The following ZNF331 variants were observed in gnomAD, a reference collection of about 807,000 sequenced individuals.
ZNF331 encodes C2H2-like zinc finger protein rearranged in thyroid adenomas.
In ZNF331, 2 loss-of-function variants were observed where a neutral mutation model predicts 7.0. The observed-to-expected ratio is 0.29, with a 90% CI of 0.12 to 0.90. The LOEUF is 0.90. Among genes scored for constraint, ZNF331 ranks in the 40% least tolerant of loss-of-function variants. ZNF331 has a pLI of 0.58. For synonymous variants in ZNF331, 196 were observed against 205.4 expected (o/e 0.95, Z 0.39); for missense variants, 432 against 587.7 (o/e 0.74, Z 2.74).
the ZNF331 span, chr19:53,503,879 G>T: frequency 1.5e-6 from 1 of 684,444 alleles, no homozygotes; most frequent in Non-Finnish European, 2.7e-6. Flanking sequence ...AAAAGATCTG[G>T]GATACTGTTC....
chr19:53,571,517 A>C lies in ZNF331; in HGVS notation c.10-87A>C, dbSNP rs1016568948. 36 of 1,554,972 alleles carry C rather than the reference A, an allele frequency of 2.3e-5. No individual in the cohort carries two copies. The highest frequency in any genetic ancestry group is 3.1e-5 in the Non-Finnish European group (36 of 1,146,648). ...GGTGTTCAGTCTGCTCACGGTGTTC[A>C]CCCTACCCAGAGGGTGGCCTCCTGT... On this transcript the variant is annotated intron_variant, in intron 4 of 5. Transcript: ENST00000449416. This position sits in a 1 kb window ranked among gnomAD's most constrained non-coding sequence, Gnocchi z 4.7.
At chr19:53,506,426 C>CTCTCTCTGTCTCTCTCTCTCTCTCTCTG in the ZNF331 span, among the ~76,000 whole-genome samples, 1 of 95,086 alleles carries the variant, frequency 1.1e-5, no homozygotes, top group African/African-American at 4.7e-5. Context: ...CTCTCTCTCT[C>CTCTCTCTGTCTCTCTCTCTCTCTCTCTG]TCTCTCTCTC....
At chr19:53,523,579 A>G (rs927502325) in intron 2 of ZNF331, 12 of 151,854 alleles carry the variant, frequency 7.9e-5, no homozygotes, top group African/African-American at 2.9e-4. Context: ...AGTTTCTTAT[A>G]TATCGTGAAT....
rs1425404208 is a variant in ZNF331 at position 53,558,345 on chromosome 19, G to A, written c.-74+2437G>A. Among the ~76,000 whole-genome samples the A allele has an allele frequency of 6.6e-6, 1 of 152,122 alleles. No individual in the cohort carries two copies. Among genetic ancestry groups the A allele is most frequent in the Non-Finnish European group, 1.5e-5 (1 of 68,020 alleles). On this transcript the variant is annotated intron_variant, in intron 3 of 5. Transcript: ENST00000449416. The surrounding 1 kb of genome is among the most constrained non-coding windows in gnomAD (Gnocchi z 4.5). ...AAGCACAGGAGCTTCTGTTCCCGTG[G>A]AATTGGGGTGCGCCACCTTTTCAGA... is the stretch of plus-strand genomic sequence containing the variant.
rs886907621 is a variant in ZNF331 at position 53,539,153 on chromosome 19, C to T, written c.-204-63C>T. ...TCCCAGAAACTCCATCTCGGGGCCT[C>T]GTATTTCTCATTGGTTTTATTAGGT... On this transcript the variant is annotated intron_variant, in intron 1 of 5. Transcript: ENST00000449416. This position sits in a 1 kb window ranked among gnomAD's most constrained non-coding sequence, Gnocchi z 6.1. 9.9e-5 allele frequency: 15 copies of T among 152,084 alleles called. No individual in the cohort carries two copies. Among genetic ancestry groups the T allele is most frequent in the Non-Finnish European group, 1.8e-4 (12 of 68,028 alleles). The allele number at this position is 152,084 out of a possible 1,614,324, so 9.4% of individuals were successfully genotyped here.
Position 53,560,294 on chromosome 19 carries a change from T to C in ZNF331, c.-74+4386T>C, listed in dbSNP as rs1383591206. 6.6e-6 allele frequency among the ~76,000 whole-genome samples: 1 copy of C among 151,272 alleles called. No individual in the cohort carries two copies. Among genetic ancestry groups the C allele is most frequent in the African/African-American group, 2.4e-5 (1 of 41,048 alleles). On this transcript the variant is annotated intron_variant, in intron 3 of 5. Coordinates refer to ENST00000449416, the MANE Select transcript of ZNF331 (RefSeq NM_001079906.2). This position sits in a 1 kb window ranked among gnomAD's most constrained non-coding sequence, Gnocchi z 4.3. ...TACACACACCATATATATGCACATATATATATACACCCACACCATATACAC... is the reference window on the plus strand; with the variant it reads ...TACACACACCATATATATGCACATACATATATACACCCACACCATATACAC...
At chr19:53,551,213 C>G (rs2088987566) in intron 2 of ZNF331, among the ~76,000 whole-genome samples, 1 of 152,120 alleles carries the variant, frequency 6.6e-6, no homozygotes, top group African/African-American at 2.4e-5. Flanking sequence ...AAAATTCAGT[C>G]CTCTAAGGAG....
At chr19:53,524,626 G>T (rs1309750652) in intron 2 of ZNF331, among the ~76,000 whole-genome samples, 1 of 151,956 alleles carries the variant, frequency 6.6e-6, no homozygotes, top group Non-Finnish European at 1.5e-5. Flanking sequence ...TTTTTTTCTT[G>T]TAAATTTGTT....
chr19:53,508,965 G>A, the ZNF331 span, among the ~76,000 whole-genome samples: 1 of 152,102 alleles, frequency 6.6e-6, no homozygotes, highest in Non-Finnish European at 1.5e-5. Context: ...GTCAACTTAG[G>A]TCCTAGGAGC....
upstream of ZNF331, among the ~76,000 whole-genome samples, chr19:53,517,897 C>T (rs993383192): frequency 3.9e-5 from 6 of 152,152 alleles, no homozygotes; most frequent in African/African-American, 4.8e-5. Context: ...TTGATTGATG[C>T]TATTTCAATC....
At chr19:53,563,431 CT>C (rs2089996832) in intron 3 of ZNF331, among the ~76,000 whole-genome samples, 1 of 152,120 alleles carries the variant, frequency 6.6e-6, no homozygotes, top group Non-Finnish European at 1.5e-5. Flanking sequence ...TCTCTACTTA[CT>C]GGTGGAGAGG....
intron 3 of ZNF331, among the ~76,000 whole-genome samples, chr19:53,557,286 G>C (rs750160650): frequency 8.0e-4 from 122 of 152,064 alleles, no homozygotes; most frequent in Non-Finnish European, 1.1e-3. Flanking sequence ...TTACAGTTCT[G>C]GGGGCTGGAA....
chr19:53,537,674 G>A (rs1354966189), upstream of ZNF331: 2 of 152,282 alleles, frequency 1.3e-5, no homozygotes, highest in East Asian at 1.9e-4. Flanking sequence ...CACGGGGCTT[G>A]GGGCTCTGGT....
At chr19:53,574,929 T>G (rs1600507768) in intron 5 of ZNF331, among the ~76,000 whole-genome samples, 1 of 141,854 alleles carries the variant, frequency 7.0e-6, no homozygotes, top group East Asian at 2.1e-4. Flanking sequence ...GTTGTATTTT[T>G]TTCTTTTCTT....
upstream of ZNF331, among the ~76,000 whole-genome samples, chr19:53,515,785 C>T (rs2086892149): frequency 1.3e-5 from 2 of 152,232 alleles, no homozygotes; most frequent in Non-Finnish European, 1.5e-5. Flanking sequence ...GCATGAGCCA[C>T]TGTGCCTGGC....
intron 3 of ZNF331, among the ~76,000 whole-genome samples, chr19:53,564,550 G>T (rs1314617033): frequency 6.6e-6 from 1 of 152,098 alleles, no homozygotes; most frequent in East Asian, 1.9e-4. Context: ...CAAAGCGCTG[G>T]GATTACAGGC....
At chr19:53,544,989 G>T (rs980069021) in intron 2 of ZNF331, among the ~76,000 whole-genome samples, 1 of 152,126 alleles carries the variant, frequency 6.6e-6, no homozygotes, top group African/African-American at 2.4e-5. Context: ...CTCCAAAAGT[G>T]CTGGGATTAC....
At chr19:53,569,151 T>G (rs1353434707) in intron 3 of ZNF331, among the ~76,000 whole-genome samples, 153 bp from the exon 4 acceptor site, 1 of 152,118 alleles carries the variant, frequency 6.6e-6, no homozygotes, top group African/African-American at 2.4e-5. Flanking sequence ...CCACCGCACC[T>G]GGCCTGATCC....
chr19:53,576,744 A>G lies in ZNF331; in HGVS notation c.184A>G (p.Ile62Val), dbSNP rs778083871. The G allele has an allele frequency of 3.1e-6, 5 of 1,612,202 alleles. No individual in the cohort carries two copies. The African/African-American group carries it at 5.4e-5, about 17-fold the overall frequency. Reference sequence around the variant, plus strand: ...TAAGAGTTTACCTACAGAAAAAAACATTCATGAAATAAGGGCTTCCAAAAG... The same window carrying G: ...TAAGAGTTTACCTACAGAAAAAAACGTTCATGAAATAAGGGCTTCCAAAAG... The part of the protein sequence containing the change: ...ENKSLPTEKN[I>V]HEIRASKRNS... Residue 62 changes from isoleucine (I) to valine (V), a missense_variant, in exon 6 of 6, where the codon ATT (isoleucine) becomes GTT (valine). Transcript: ENST00000449416.
Sources: allele counts gnomAD v4.1 joint callset (sites outside exome capture counted in the v4.1 genomes callset), GRCh38; gene constraint gnomAD v4.1.1; non-coding constraint Gnocchi (gnomAD v3.1); transcripts MANE v1.5; gene names NCBI Gene and HGNC (gene_info 2026-07-23, HGNC 2026-07-21).